Variants in CNTN5 observed in about 807,000 individuals in gnomAD.
The protein encoded by CNTN5 is contactin-5.
CNTN5 carries 77 observed loss-of-function variants against 129.1 expected under a neutral mutation model. That is an observed-to-expected ratio of 0.60 (90% CI 0.50 to 0.72). CNTN5 has a LOEUF of 0.72. Ranked by LOEUF, CNTN5 falls within the 30% of genes least tolerant of loss-of-function variation. The pLI is 0.00. For synonymous variants in CNTN5, 509 were observed against 465.6 expected, an observed-to-expected ratio of 1.09 and a Z score of -1.20; for missense variants, 1,478 against 1,328.8, an observed-to-expected ratio of 1.11 and a Z score of -1.75.
At chr11:99,239,842 CAGG>C (rs1861453549) in intron 1 of CNTN5, among the ~76,000 whole-genome samples, 1 of 150,350 alleles carries the variant, frequency 6.7e-6, no homozygotes, top group Admixed American at 6.7e-5. Context: ...GAGGCTGAGG[CAGG>C]AGAATGGCGG....
intron 3 of CNTN5, among the ~76,000 whole-genome samples, chr11:99,742,664 T>G (rs1943922954): frequency 6.6e-6 from 1 of 152,182 alleles, no homozygotes; most frequent in Non-Finnish European, 1.5e-5. Flanking sequence ...TAGAGACTTG[T>G]GCAAGATTCC....
chr11:100,111,479 A>C (rs1342639054), intron 13 of CNTN5, among the ~76,000 whole-genome samples: 1 of 152,144 alleles, frequency 6.6e-6, no homozygotes, highest in Non-Finnish European at 1.5e-5. Context: ...TCAGAATGAA[A>C]AGTTTGGTTC....
At chr11:99,765,077 T>C (rs1173225656) in intron 3 of CNTN5, among the ~76,000 whole-genome samples, 1 of 152,042 alleles carries the variant, frequency 6.6e-6, no homozygotes, top group Non-Finnish European at 1.5e-5. Flanking sequence ...TTTTTACTTG[T>C]TAGATATGGA....
chr11:99,217,398 A>C (rs1860186166), intron 1 of CNTN5, among the ~76,000 whole-genome samples: 1 of 152,202 alleles, frequency 6.6e-6, no homozygotes. Context: ...CACCTCAGTT[A>C]AGTTGACTTG....
intron 13 of CNTN5, among the ~76,000 whole-genome samples, chr11:100,090,244 T>C (rs1298839851): frequency 6.6e-6 from 1 of 151,982 alleles, no homozygotes; most frequent in Non-Finnish European, 1.5e-5. Context: ...ACCAACATCA[T>C]ACTGAATGGG....
intron 13 of CNTN5, among the ~76,000 whole-genome samples, chr11:100,129,842 T>A (rs1946317483): frequency 6.6e-6 from 1 of 151,332 alleles, no homozygotes; most frequent in Admixed American, 6.6e-5. Flanking sequence ...TGTGTGTTTG[T>A]GTGTGTGTGT....
intron 1 of CNTN5, among the ~76,000 whole-genome samples, chr11:99,092,258 A>C (rs920357929): frequency 1.3e-5 from 2 of 152,154 alleles, no homozygotes; most frequent in African/African-American, 4.8e-5. Flanking sequence ...AGTCCAATCC[A>C]TCTCAGATTA....
At chr11:99,493,391 A>G (rs1946109052) in intron 2 of CNTN5, among the ~76,000 whole-genome samples, 1 of 152,172 alleles carries the variant, frequency 6.6e-6, no homozygotes, top group African/African-American at 2.4e-5. Flanking sequence ...CCAACGAACA[A>G]CTCCAATAAA....
intron 3 of CNTN5, among the ~76,000 whole-genome samples, chr11:99,659,959 C>T (rs1952535374): frequency 6.6e-6 from 1 of 151,994 alleles, no homozygotes; most frequent in African/African-American, 2.4e-5. Context: ...GGCAGCTGAC[C>T]TTTTAGAAAG....
chr11:99,069,255 T>C (rs1865232802), intron 1 of CNTN5, among the ~76,000 whole-genome samples: 2 of 152,180 alleles, frequency 1.3e-5, no homozygotes, highest in Admixed American at 1.3e-4. Context: ...TCTGAAATTT[T>C]TGCTGTAACT....
intron 20 of CNTN5, among the ~76,000 whole-genome samples, chr11:100,299,926 C>A (rs947453196): frequency 6.6e-6 from 1 of 151,334 alleles, no homozygotes; most frequent in Non-Finnish European, 1.5e-5. Flanking sequence ...TTATTGCCTC[C>A]GTTATGTAGA....
intron 15 of CNTN5, among the ~76,000 whole-genome samples, chr11:100,203,893 C>T (rs1319256750): frequency 3.3e-5 from 5 of 151,196 alleles, no homozygotes; most frequent in Non-Finnish European, 7.4e-5. Flanking sequence ...ACATTTTTCT[C>T]TTATTATTTT....
chr11:99,779,814 A>C (rs976859939), intron 3 of CNTN5, among the ~76,000 whole-genome samples: 19 of 152,046 alleles, frequency 1.2e-4, no homozygotes, highest in African/African-American at 4.3e-4. Flanking sequence ...CTAAGAAATC[A>C]TAATATGCAG....
At chr11:100,118,938 A>G (rs772191182) in intron 13 of CNTN5, among the ~76,000 whole-genome samples, 30 of 151,814 alleles carry the variant, frequency 2.0e-4, no homozygotes, top group Non-Finnish European at 3.5e-4. Context: ...AAAGTTGAAA[A>G]CCTGTATCTG....
intron 1 of CNTN5, among the ~76,000 whole-genome samples, chr11:99,291,856 T>C (rs1325180461): frequency 2.0e-5 from 3 of 152,014 alleles, no homozygotes; most frequent in Admixed American, 2.0e-4. Context: ...TCTGAAGATA[T>C]ATTCATACAA....
At chr11:99,935,811 C>T (rs894003799) in intron 7 of CNTN5, among the ~76,000 whole-genome samples, 7 of 152,060 alleles carry the variant, frequency 4.6e-5, no homozygotes, top group Admixed American at 4.6e-4. Flanking sequence ...TTTACTATTA[C>T]CCTTTGCTCA....
chr11:99,698,566 GT>G (rs1954373864), intron 3 of CNTN5, among the ~76,000 whole-genome samples: 1 of 151,468 alleles, frequency 6.6e-6, no homozygotes, highest in South Asian at 2.1e-4. Context: ...TACCTGCAGA[GT>G]CGCACATTAT....
intron 3 of CNTN5, among the ~76,000 whole-genome samples, chr11:99,663,016 T>C (rs9326287): frequency 0.25 from 38,646 of 152,120 alleles, 5,013 homozygotes; most frequent in South Asian, 0.38. Flanking sequence ...AGCTAAGTTG[T>C]ATTATGTAAG....
chr11:100,342,152 G>GACACACACACACACACACACACACACAC (rs3220443), intron 23 of CNTN5, among the ~76,000 whole-genome samples: 2 of 146,898 alleles, frequency 1.4e-5, no homozygotes, highest in Non-Finnish European at 1.5e-5. Flanking sequence ...ATAGATCACA[G>GACACACACACACACACACACACACACAC]ACACACACAC....
Sources: allele counts gnomAD v4.1 joint callset (sites outside exome capture counted in the v4.1 genomes callset), GRCh38; gene constraint gnomAD v4.1.1; transcripts MANE v1.5; gene names NCBI Gene and HGNC (gene_info 2026-07-23, HGNC 2026-07-21).